Variants in SIRPG observed in about 807,000 individuals in gnomAD.
SIRPG encodes the protein signal-regulatory protein gamma.
Under a neutral mutation model 35.7 loss-of-function variants are expected in SIRPG, and 38 were observed. The observed-to-expected ratio is 1.06, with a 90% confidence interval of 0.82 to 1.40. The LOEUF (loss-of-function observed/expected upper bound fraction) is 1.40. Ranked by LOEUF, SIRPG falls within the 40% of genes most tolerant of loss-of-function variation. The probability of loss-of-function intolerance (pLI) is 0.00; values close to 1 mark genes in which losing one functional copy is unlikely to be tolerated. For missense variants in SIRPG, 519 were observed against 483.0 expected, an observed-to-expected ratio of 1.07 and a Z score of -0.70; for synonymous variants, 215 against 190.4, an observed-to-expected ratio of 1.13 and a Z score of -1.06.
chr20:1,655,472 G>T (rs1445219278), intron 1 of SIRPG, among the ~76,000 whole-genome samples: 2 of 151,982 alleles, frequency 1.3e-5, no homozygotes, highest in Non-Finnish European at 2.9e-5. Flanking sequence ...AATCTAAAAA[G>T]TTGAGCTCAT....
At chr20:1,663,864 G>A in the SIRPG span, among the ~76,000 whole-genome samples, 1 of 152,336 alleles carries the variant, frequency 6.6e-6, no homozygotes, top group Non-Finnish European at 1.5e-5. Flanking sequence ...GTGAGGAGTA[G>A]GACACTGTCT....
chr20:1,661,171 T>C (rs897109797), upstream of SIRPG, among the ~76,000 whole-genome samples: 2 of 152,186 alleles, frequency 1.3e-5, no homozygotes, highest in African/African-American at 4.8e-5. Context: ...AAACAGATCC[T>C]CTGCCCTCAA....
intron 4 of SIRPG, among the ~76,000 whole-genome samples, chr20:1,631,905 G>C (rs1039813114): frequency 3.3e-5 from 5 of 152,210 alleles, no homozygotes; most frequent in Non-Finnish European, 7.3e-5. Flanking sequence ...GAAGCTACGA[G>C]TGATTGATTA....
In SIRPG at chr20:1,635,396, T is replaced by C; in HGVS notation, c.952A>G (p.Ile318Val). 1 of 1,614,166 alleles carries C rather than the reference T, an allele frequency of 6.2e-7. No individual in the cohort carries two copies. Among genetic ancestry groups the C allele is most frequent in the Non-Finnish European group, 8.5e-7 (1 of 1,180,024 alleles). The change falls in exon 4 of 6, where the codon ATA becomes GTA. Residue 318 changes from isoleucine to valine, a missense_variant. Ile to Val is a conservative substitution (Grantham distance 29). Coordinates refer to ENST00000303415, the MANE Select transcript of SIRPG (RefSeq NM_018556.4). ...ACCACATCATCCCTTTGGTCAGATA[T>C]GTTCACCAGGAACCAGCTTGTCCAG... is the stretch of plus-strand genomic sequence containing the variant. The part of the protein sequence containing the change: ...YNWTSWFLVN[I>V]SDQRDDVVLT...
rs1242647701 is a variant in SIRPG, at chr20:1,629,238, G to C, written c.*401C>G. Reference sequence around the variant, plus strand: ...AATAGAGAACCTCAACAAGGCTGGGGAGTTGGGATAGGCAGGAATCTGGAA... The same window carrying C: ...AATAGAGAACCTCAACAAGGCTGGGCAGTTGGGATAGGCAGGAATCTGGAA... On this transcript the variant is annotated 3_prime_UTR_variant, in exon 6 of 6. Coordinates refer to ENST00000303415, the MANE Select transcript of SIRPG (RefSeq NM_018556.4). The C allele has an allele frequency of 6.6e-6, 1 of 152,366 alleles. No homozygotes were observed. The highest frequency in any genetic ancestry group is 1.5e-5 in the Non-Finnish European group (1 of 68,134). The allele number at this position is 152,366 out of a possible 1,614,324, so 9.4% of individuals were successfully genotyped here.
chr20:1,662,543 G>T (rs1020860314), upstream of SIRPG, among the ~76,000 whole-genome samples: 1 of 152,148 alleles, frequency 6.6e-6, no homozygotes, highest in African/African-American at 2.4e-5. Flanking sequence ...TTTTTAGAAA[G>T]AAATAAAACA....
At chr20:1,668,175 C>CTTTTCTTTTCT in the SIRPG span, among the ~76,000 whole-genome samples, 2 of 85,666 alleles carry the variant, frequency 2.3e-5, no homozygotes, top group African/African-American at 8.2e-5. Context: ...CTTTTCTTTT[C>CTTTTCTTTTCT]TTTCTTTCTT....
chr20:1,669,035 C>T, the SIRPG span, among the ~76,000 whole-genome samples: 3 of 152,328 alleles, frequency 2.0e-5, no homozygotes, highest in East Asian at 1.9e-4. Context: ...GGAGCAGAGA[C>T]CCCTCCTGGT....
the SIRPG span, among the ~76,000 whole-genome samples, chr20:1,666,951 GC>G: frequency 2.0e-5 from 3 of 150,452 alleles, no homozygotes; most frequent in Non-Finnish European, 4.4e-5. Context: ...TTGCTCTGTT[GC>G]CCAGACTGGA....
At chr20:1,685,375 TG>T in the SIRPG span, among the ~76,000 whole-genome samples, 5 of 151,798 alleles carry the variant, frequency 3.3e-5, no homozygotes, top group Admixed American at 3.3e-4. Context: ...ATGAGGTCAT[TG>T]GGGGGGTCTT....
intron 1 of SIRPG, among the ~76,000 whole-genome samples, chr20:1,650,855 G>T (rs2091936103): frequency 6.6e-6 from 1 of 152,200 alleles, no homozygotes; most frequent in Admixed American, 6.5e-5. Flanking sequence ...AATCCTGAAA[G>T]CAGTGGGAGA....
In SIRPG at chr20:1,635,388, G is replaced by A. The variant is rs2122435401; in HGVS notation, c.960C>T (p.Asp320=). The A allele has an allele frequency of 6.2e-7, 1 of 1,614,080 alleles. No homozygotes were observed. Among genetic ancestry groups the A allele is most frequent in the East Asian group, 2.2e-5 (1 of 44,876 alleles). The change falls in exon 4 of 6, where the codon GAC becomes GAT. Residue 320 remains aspartate, a synonymous_variant. Coordinates refer to ENST00000303415, the MANE Select transcript of SIRPG (RefSeq NM_018556.4). The part of the protein sequence containing the change: ...WTSWFLVNIS[D]QRDDVVLTCQ... ...AGGTGAGGACCACATCATCCCTTTG[G>A]TCAGATATGTTCACCAGGAACCAGC... is the stretch of plus-strand genomic sequence containing the variant.
At chr20:1,682,454 A>G in the SIRPG span, among the ~76,000 whole-genome samples, 9 of 152,206 alleles carry the variant, frequency 5.9e-5, no homozygotes, top group Non-Finnish European at 1.3e-4. Context: ...TGCATATGAA[A>G]AAATTCAACA....
rs1016173218 is a variant in SIRPG, at chr20:1,634,493, C to A, written c.1081+774G>T. 2.0e-5 allele frequency among the ~76,000 whole-genome samples: 3 copies of A among 152,118 alleles called. No homozygotes were observed. The South Asian group carries it at 6.2e-4, about 32-fold the overall frequency. On this transcript the variant is annotated intron_variant, in intron 4 of 5. Coordinates refer to ENST00000303415, the MANE Select transcript of SIRPG (RefSeq NM_018556.4). ...AAGTGCTGGGATTACAGGCGTGAGCCGCCAGGCCTGGTACAGTTTTAAACT... is the reference window on the plus strand; with the variant it reads ...AAGTGCTGGGATTACAGGCGTGAGCAGCCAGGCCTGGTACAGTTTTAAACT...
the SIRPG span, among the ~76,000 whole-genome samples, chr20:1,685,716 G>A: frequency 6.6e-6 from 1 of 152,168 alleles, no homozygotes; most frequent in African/African-American, 2.4e-5. Flanking sequence ...AGATTACAGA[G>A]GAGTGGGAAG....
At chr20:1,670,549 C>T in the SIRPG span, among the ~76,000 whole-genome samples, 9 of 152,248 alleles carry the variant, frequency 5.9e-5, no homozygotes, top group African/African-American at 2.2e-4. Flanking sequence ...AATCACCAGG[C>T]ACACAGGGCC....
At chr20:1,668,192 T>C in the SIRPG span, among the ~76,000 whole-genome samples, 1 of 82,852 alleles carries the variant, frequency 1.2e-5, no homozygotes, top group East Asian at 9.2e-4. Context: ...TCTTTCTTTT[T>C]CTTTTCTTTT....
the SIRPG span, among the ~76,000 whole-genome samples, chr20:1,680,270 G>A: frequency 0.24 from 36,981 of 152,070 alleles, 5,210 homozygotes; most frequent in East Asian, 0.59. Context: ...TTTTGATGCA[G>A]AAACAATGCC....
Position 1,654,374 on chromosome 20 carries a change from C to G in SIRPG, c.73+3268G>C, listed in dbSNP as rs769974751. Among the ~76,000 whole-genome samples, 96 of 152,122 alleles carry G rather than the reference C, an allele frequency of 6.3e-4. 1 individual carries two copies. Among genetic ancestry groups the G allele is most frequent in the Non-Finnish European group, 2.5e-4 (17 of 68,034 alleles). ...TAGACCAATGGATCAGAGCAGAGAG[C>G]CCAGCAATAAACTCACACATTCACA... On this transcript the variant is annotated intron_variant, in intron 1 of 5. Transcript: ENST00000303415.
Sources: allele counts gnomAD v4.1 joint callset (sites outside exome capture counted in the v4.1 genomes callset), GRCh38; gene constraint gnomAD v4.1.1; transcripts MANE v1.5; gene names NCBI Gene and HGNC (gene_info 2026-07-23, HGNC 2026-07-21).